Variants in VRK2 observed in about 807,000 individuals in gnomAD.
VRK2 encodes the protein VRK serine/threonine kinase 2.
VRK2 carries 60 observed loss-of-function variants against 57.6 expected under a neutral mutation model. That is an observed-to-expected ratio of 1.04 (90% CI 0.85 to 1.29). The LOEUF (loss-of-function observed/expected upper bound fraction) is 1.29. Ranked by LOEUF, VRK2 falls within the 50% of genes most tolerant of loss-of-function variation. The probability of loss-of-function intolerance (pLI) is 0.00; values close to 1 mark genes in which losing one functional copy is unlikely to be tolerated. For synonymous variants in VRK2, 231 were observed against 199.2 expected, an observed-to-expected ratio of 1.16 and a Z score of -1.35; for missense variants, 705 against 588.1, an observed-to-expected ratio of 1.20 and a Z score of -2.06.
At chr2:58,021,141 T>C (rs765443056) in intron 1 of VRK2, among the ~76,000 whole-genome samples, 10 of 152,222 alleles carry the variant, frequency 6.6e-5, no homozygotes, top group Non-Finnish European at 1.2e-4. Flanking sequence ...CATCTTCAAC[T>C]ACTTTTTGTG....
chr2:58,149,192 A>G (rs545204658), intron 12 of VRK2, among the ~76,000 whole-genome samples: 2 of 151,630 alleles, frequency 1.3e-5, no homozygotes, highest in Non-Finnish European at 3.0e-5. Context: ...AACTTCTCTC[A>G]ACAGTGTTTT....
In VRK2 at chr2:58,092,101, G is replaced by A. The variant is rs987764694; in HGVS notation, c.543+2378G>A. On this transcript the variant is annotated intron_variant, in intron 7 of 12. Coordinates refer to ENST00000340157, the MANE Select transcript of VRK2 (RefSeq NM_006296.7). ...GTTTGATATCTTTTGACAGATGTATGTATCATGTAACCACTACTGCCACCA... is the reference window on the plus strand; with the variant it reads ...GTTTGATATCTTTTGACAGATGTATATATCATGTAACCACTACTGCCACCA... Among the ~76,000 whole-genome samples, 6 of 152,134 alleles carry A rather than the reference G, an allele frequency of 3.9e-5. No homozygotes were observed. The East Asian group carries it at 9.6e-4, about 24-fold the overall frequency.
intron 2 of VRK2, among the ~76,000 whole-genome samples, chr2:58,082,471 T>C (rs1290888582): frequency 6.6e-6 from 1 of 151,900 alleles, no homozygotes; most frequent in African/African-American, 2.4e-5. Context: ...AAGTAGGTAC[T>C]GTTTTATGTG....
intron 6 of VRK2, among the ~76,000 whole-genome samples, chr2:58,088,875 A>G (rs1214342178): frequency 3.9e-5 from 6 of 152,244 alleles, no homozygotes; most frequent in Non-Finnish European, 8.8e-5. Flanking sequence ...AGTTGTGACA[A>G]TGAATAAAAT....
intron 12 of VRK2, among the ~76,000 whole-genome samples, chr2:58,154,292 A>G (rs1456061774): frequency 1.3e-5 from 2 of 149,670 alleles, no homozygotes; most frequent in African/African-American, 4.9e-5. Flanking sequence ...TTCTGCTCTA[A>G]TTTCTATCTT....
At chr2:58,144,194 A>G (rs1423843865) in intron 11 of VRK2, among the ~76,000 whole-genome samples, 1 of 151,886 alleles carries the variant, frequency 6.6e-6, no homozygotes, top group Non-Finnish European at 1.5e-5. Flanking sequence ...TAAAAAAAAT[A>G]ATAAACTTAT....
chr2:58,014,256 A>G (rs905127240), intron 1 of VRK2, among the ~76,000 whole-genome samples: 2 of 152,210 alleles, frequency 1.3e-5, no homozygotes, highest in Admixed American at 1.3e-4. Flanking sequence ...AAATCTGCAT[A>G]TTGTGCATTG....
chr2:57,909,349 C>T (rs750427199), intron 1 of VRK2, among the ~76,000 whole-genome samples: 9 of 152,114 alleles, frequency 5.9e-5, no homozygotes, highest in Non-Finnish European at 8.8e-5. Flanking sequence ...AACTGAAGAT[C>T]ATCAGGGTCA....
chr2:58,097,901 A>G (rs1573083761), intron 7 of VRK2, among the ~76,000 whole-genome samples: 1 of 152,110 alleles, frequency 6.6e-6, no homozygotes, highest in Admixed American at 6.6e-5. Context: ...TTATATAAAA[A>G]AAAAGTTAAC....
chr2:58,037,086 C>T (rs1453740062), intron 3 of VRK2, among the ~76,000 whole-genome samples: 2 of 151,920 alleles, frequency 1.3e-5, no homozygotes, highest in Non-Finnish European at 2.9e-5. Context: ...TAGGCATGCA[C>T]CACCATGCCC....
intron 1 of VRK2, among the ~76,000 whole-genome samples, chr2:58,006,929 C>A (rs1220580425): frequency 6.6e-6 from 1 of 152,100 alleles, no homozygotes; most frequent in Non-Finnish European, 1.5e-5. Flanking sequence ...AGTTTACATA[C>A]AGATCCAGAA....
rs189424147 is a variant in VRK2 at position 57,926,052 on chromosome 2, G to C, written c.-439+18213G>C. ...TTTTATAGTTAATACAATTTCTCTT[G>C]ATACTGATTTTTAGTTTTATTCCAT... On this transcript the variant is annotated intron_variant, in intron 1 of 15. Coordinates refer to the VRK2 transcript ENST00000417641. Among the ~76,000 whole-genome samples the C allele has an allele frequency of 7.2e-4, 109 of 151,932 alleles. 1 individual carries two copies. The highest frequency in any genetic ancestry group is 3.4e-3 in the Middle Eastern group (1 of 294).
At position 58,040,829 on chromosome 2, in the gene VRK2, A is replaced by C. The variant is rs187672956; in HGVS notation, c.-6+7276A>C. ...TCTGAGATAGTCATTGGGAATGGTC[A>C]GGAATATTTGGGGAATAGAAGGTTC... On this transcript the variant is annotated intron_variant, in intron 3 of 15. Transcript: ENST00000417641. 3.2e-4 allele frequency among the ~76,000 whole-genome samples: 49 copies of C among 152,342 alleles called. 1 individual carries two copies. The highest frequency in any genetic ancestry group is 1.3e-4 in the Non-Finnish European group (9 of 68,024).
At chr2:58,030,063 GATGCCTGTCCTTATCCTCAATGGCTATA>G (rs1380902634) in intron 2 of VRK2, among the ~76,000 whole-genome samples, 1 of 152,094 alleles carries the variant, frequency 6.6e-6, no homozygotes, top group Non-Finnish European at 1.5e-5. Flanking sequence ...TCTCAGGCAT[GATGCCTGTCCTTATCCTCAATGGCTATA>G]AGACCTCTCC....
chr2:58,096,023 TC>T (rs1428044585), intron 7 of VRK2, among the ~76,000 whole-genome samples: 2 of 152,124 alleles, frequency 1.3e-5, no homozygotes, highest in African/African-American at 4.8e-5. Context: ...TTGAATTTTT[TC>T]AGAGTCTTGT....
rs1002774868 is a variant in VRK2 at position 57,911,023 on chromosome 2, T to C, written c.-439+3184T>C. 2.7e-5 allele frequency among the ~76,000 whole-genome samples: 4 copies of C among 147,276 alleles called. No individual in the cohort carries two copies. The East Asian group carries it at 7.9e-4, about 29-fold the overall frequency. On this transcript the variant is annotated intron_variant, in intron 1 of 15. Transcript: ENST00000417641. ...TTGGGTCAGACAGACTTGAGTTCTC[T>C]AGGGTTTTTTGGGTCTTTTTTTTTT...
chr2:58,146,667 G>A (rs1420021730), intron 12 of VRK2, among the ~76,000 whole-genome samples, 193 bp downstream of exon 12: 1 of 151,928 alleles, frequency 6.6e-6, no homozygotes, highest in Non-Finnish European at 1.5e-5. Flanking sequence ...AAACAGAATA[G>A]CAGTAAGCAC....
chr2:58,118,343 A>G (rs1676851191), intron 7 of VRK2, among the ~76,000 whole-genome samples: 1 of 152,368 alleles, frequency 6.6e-6, no homozygotes, highest in African/African-American at 2.4e-5. Context: ...ATGATTAAAC[A>G]TCAAGGGAAG....
At chr2:58,033,757 G>C (rs1465834956) in intron 3 of VRK2, 1 of 151,956 alleles carries the variant, frequency 6.6e-6, no homozygotes, top group Non-Finnish European at 1.5e-5. Context: ...AGGCAGGTTT[G>C]ATTCTTCAAA....
Sources: allele counts gnomAD v4.1 joint callset (sites outside exome capture counted in the v4.1 genomes callset), GRCh38; gene constraint gnomAD v4.1.1; transcripts MANE v1.5; gene names NCBI Gene and HGNC (gene_info 2026-07-23, HGNC 2026-07-21).